The following QTGAL variants were observed in gnomAD, a reference collection of about 807,000 sequenced individuals.
The protein encoded by QTGAL is BGnT-like protein 1.
At chr17:82,958,997 T>TATACTGTGTGGGG in the QTGAL span, among the ~76,000 whole-genome samples, 7 of 79,620 alleles carry the variant, frequency 8.8e-5, 1 homozygote, top group Non-Finnish European at 1.4e-4. Flanking sequence ...GGTGTGTGTG[T>TATACTGTGTGGGG]GTGTATACTG....
the QTGAL span, chr17:83,005,107 C>T: frequency 8.1e-6 from 13 of 1,595,294 alleles, no homozygotes; most frequent in Admixed American, 1.7e-5. The surrounding 1 kb of genome is among the most constrained non-coding windows in gnomAD (Gnocchi z 5.6). Context: ...AGGCGCCAGG[C>T]GAGGTACCTG....
chr17:82,944,236 C>T, the QTGAL span: 13 of 151,380 alleles, frequency 8.6e-5, no homozygotes, highest in African/African-American at 2.9e-4. Context: ...CTTAGCAACC[C>T]GAGGAAAGTG....
At chr17:83,026,897 G>A in the QTGAL span, among the ~76,000 whole-genome samples, 6,093 of 100,232 alleles carry the variant, frequency 0.061, 172 homozygotes, top group Middle Eastern at 0.088. Flanking sequence ...ACCCACCCTC[G>A]ACAGACACAC....
At chr17:82,947,157 C>T in the QTGAL span, 21 of 564,108 alleles carry the variant, frequency 3.7e-5, no homozygotes, top group Admixed American at 5.6e-4. Context: ...GGGCAGCAGC[C>T]GGCACTGCTT....
chr17:82,947,086 T>A, the QTGAL span: 1 of 943,580 alleles, frequency 1.1e-6, no homozygotes, highest in Non-Finnish European at 1.6e-6. Context: ...TGTGTCCACC[T>A]GTCAAGTGTT....
the QTGAL span, among the ~76,000 whole-genome samples, chr17:83,042,109 A>T: frequency 6.6e-6 from 1 of 152,354 alleles, no homozygotes; most frequent in East Asian, 1.9e-4. Flanking sequence ...GCTCATGCCT[A>T]TAATCCCCAC....
At chr17:83,044,449 T>C in the QTGAL span, among the ~76,000 whole-genome samples, 4 of 152,338 alleles carry the variant, frequency 2.6e-5, no homozygotes, top group South Asian at 2.1e-4. Flanking sequence ...TTTCATGATT[T>C]AAAAATTCAA....
chr17:82,957,444 G>A, the QTGAL span: 1 of 1,611,450 alleles, frequency 6.2e-7, no homozygotes. Context: ...CGCCCAGCGG[G>A]GCAGGGCCTG....
the QTGAL span, among the ~76,000 whole-genome samples, chr17:83,041,255 C>T: frequency 3.3e-5 from 5 of 151,940 alleles, no homozygotes; most frequent in Non-Finnish European, 5.9e-5. Context: ...AGCTGGAATA[C>T]CAATAACTAT....
the QTGAL span, among the ~76,000 whole-genome samples, chr17:82,960,826 G>A: frequency 2.1e-4 from 32 of 152,332 alleles, no homozygotes; most frequent in African/African-American, 6.7e-4. Context: ...AAGGACGTTC[G>A]GCCTTCACCC....
the QTGAL span, among the ~76,000 whole-genome samples, chr17:82,984,282 G>A: frequency 2.5e-5 from 3 of 120,852 alleles, 1 homozygote; most frequent in Non-Finnish European, 5.1e-5. Flanking sequence ...GAGAGGCCAC[G>A]TGAGCACACG....
chr17:82,973,322 C>A, the QTGAL span, among the ~76,000 whole-genome samples: 1 of 152,168 alleles, frequency 6.6e-6, no homozygotes, highest in Non-Finnish European at 1.5e-5. Flanking sequence ...TTTTCAATTT[C>A]ATGATTGATA....
the QTGAL span, among the ~76,000 whole-genome samples, chr17:83,004,661 C>T: frequency 6.7e-6 from 1 of 149,388 alleles, no homozygotes; most frequent in Non-Finnish European, 1.5e-5. Context: ...TTCCTGAGCT[C>T]GCCCTCCCAC....
the QTGAL span, among the ~76,000 whole-genome samples, chr17:83,029,431 C>T: frequency 6.6e-5 from 10 of 151,896 alleles, no homozygotes; most frequent in East Asian, 1.9e-4. Flanking sequence ...GGATGATGAG[C>T]GCGGAATTTG....
chr17:83,027,950 C>G, the QTGAL span, among the ~76,000 whole-genome samples: 3 of 151,670 alleles, frequency 2.0e-5, no homozygotes, highest in Non-Finnish European at 4.4e-5. Flanking sequence ...CCCATCTCTA[C>G]TAAAATACAA....
At chr17:83,000,779 A>G in the QTGAL span, among the ~76,000 whole-genome samples, 1,852 of 152,316 alleles carry the variant, frequency 0.012, 43 homozygotes, top group African/African-American at 0.042. Context: ...GTTCCAACAC[A>G]CTGTTCGAGG....
chr17:83,028,263 A>T, the QTGAL span, among the ~76,000 whole-genome samples: 1 of 151,710 alleles, frequency 6.6e-6, no homozygotes, highest in East Asian at 2.0e-4. Flanking sequence ...GGTGGCTCAC[A>T]CCTGTAATCC....
At chr17:82,977,095 CTT>C in the QTGAL span, among the ~76,000 whole-genome samples, 197 of 152,370 alleles carry the variant, frequency 1.3e-3, no homozygotes, top group African/African-American at 4.4e-3. Context: ...AGGGGAGAAA[CTT>C]AACGTAAGCC....
chr17:82,961,432 C>G, the QTGAL span: 1 of 535,168 alleles, frequency 1.9e-6, no homozygotes, highest in Non-Finnish European at 3.4e-6. Flanking sequence ...GCCCCAAATT[C>G]CATTTTGAGC....
Sources: gnomAD v4.1 joint callset for allele counts (sites outside exome capture counted in the v4.1 genomes callset) on GRCh38, gnomAD v4.1.1 for gene constraint, Gnocchi (gnomAD v3.1) non-coding constraint, MANE v1.5 for transcripts, NCBI Gene and HGNC (gene_info 2026-07-23, HGNC 2026-07-21) for gene names.